Variants in AGAP1 observed in about 807,000 individuals in gnomAD.
AGAP1 encodes ArfGAP with GTPase domain, ankyrin repeat and PH domain 1.
In AGAP1, 29 loss-of-function variants were observed where a neutral mutation model predicts 105.3. The ratio of observed to expected loss-of-function variants is 0.28; its 90% CI spans 0.21 to 0.38. The LOEUF is 0.38. AGAP1 is among the 10% of genes least tolerant of loss of function. AGAP1 has a pLI of 1.00. For missense variants in AGAP1, 998 were observed against 1,165.1 expected, an observed-to-expected ratio of 0.86 and a Z score of 2.09; for synonymous variants, 509 against 485.9, an observed-to-expected ratio of 1.05 and a Z score of -0.63.
intron 2 of AGAP1, among the ~76,000 whole-genome samples, chr2:235,710,255 C>T (rs1392500653): frequency 5.3e-5 from 8 of 152,194 alleles, no homozygotes; most frequent in African/African-American, 1.9e-4. Flanking sequence ...TCCTTCCGGT[C>T]CTTCATGTCT....
chr2:235,950,149 A>G (rs4663635), intron 12 of AGAP1, among the ~76,000 whole-genome samples: 151,160 of 152,272 alleles, frequency 0.99, 75,032 homozygotes, highest in East Asian at 1. Flanking sequence ...GGGTGAGTGT[A>G]AAAGTCTAGC....
chr2:235,653,114 T>C (rs1947650991), intron 1 of AGAP1, among the ~76,000 whole-genome samples: 1 of 152,148 alleles, frequency 6.6e-6, no homozygotes, highest in African/African-American at 2.4e-5. Context: ...GCCCATTTGC[T>C]GCATTGTAAA....
intron 1 of AGAP1, among the ~76,000 whole-genome samples, chr2:235,613,026 G>GTTTTTTT (rs397935531): frequency 1.5e-5 from 2 of 135,094 alleles, no homozygotes; most frequent in African/African-American, 2.7e-5. Context: ...TTTCAGTTTT[G>GTTTTTTT]TTTTTTTTTT....
intron 10 of AGAP1, among the ~76,000 whole-genome samples, chr2:235,903,681 T>C (rs901092288): frequency 6.6e-6 from 1 of 152,126 alleles, no homozygotes; most frequent in South Asian, 2.1e-4. Flanking sequence ...CATAGTGGGA[T>C]CTGGGATTGC....
chr2:235,702,308 GTCCTGGC>G (rs1950294501), intron 1 of AGAP1, among the ~76,000 whole-genome samples: 1 of 152,182 alleles, frequency 6.6e-6, no homozygotes, highest in Non-Finnish European at 1.5e-5. Flanking sequence ...TGAAGATGAG[GTCCTGGC>G]TCCCTTGTCT....
chr2:235,576,466 G>T (rs1944736628), intron 1 of AGAP1, among the ~76,000 whole-genome samples: 1 of 152,216 alleles, frequency 6.6e-6, no homozygotes, highest in African/African-American at 2.4e-5. Flanking sequence ...CACCAGGCAG[G>T]TGGTGCTTGG....
chr2:235,511,303 G>C (rs563474058), intron 1 of AGAP1, among the ~76,000 whole-genome samples: 1 of 152,138 alleles, frequency 6.6e-6, no homozygotes, highest in Middle Eastern at 3.4e-3. Context: ...TAATTATCTA[G>C]AGGTGTGTCT....
chr2:235,742,856 C>T (rs1304434083), intron 4 of AGAP1, among the ~76,000 whole-genome samples: 2 of 152,116 alleles, frequency 1.3e-5, no homozygotes, highest in African/African-American at 2.4e-5. Context: ...AGCACAAAAG[C>T]TTAAATATAG....
In AGAP1 at chr2:236,105,041, G is replaced by A. The variant is rs76799608; in HGVS notation, c.2115-15151G>A. Among the ~76,000 whole-genome samples the A allele has an allele frequency of 0.015, 2,296 of 152,176 alleles. 18 individuals carry two copies. The highest frequency in any genetic ancestry group is 0.021 in the Non-Finnish European group (1,441 of 68,008). On this transcript the variant is annotated intron_variant, in intron 16 of 17. Transcript: ENST00000304032. The surrounding 1 kb of genome is among the most constrained non-coding windows in gnomAD (Gnocchi z 4.2). ...GCAGGTTAGCATCAGGAGAGACACTGTCCTGGCTGCTGGGTGGGAAGATAA... is the reference window on the plus strand; with the variant it reads ...GCAGGTTAGCATCAGGAGAGACACTATCCTGGCTGCTGGGTGGGAAGATAA...
intron 12 of AGAP1, among the ~76,000 whole-genome samples, chr2:235,954,239 CAAAAAA>C (rs34138034): frequency 7.8e-6 from 1 of 128,156 alleles, no homozygotes. Context: ...ACTCTGCCTC[CAAAAAA>C]AAAAAAAAAA....
intron 1 of AGAP1, among the ~76,000 whole-genome samples, chr2:235,613,831 G>A (rs571525156): frequency 1.4e-4 from 21 of 152,346 alleles, no homozygotes; most frequent in Non-Finnish European, 1.9e-4. Flanking sequence ...CCTGCAGTTC[G>A]AGGAGAGGCT....
intron 9 of AGAP1, among the ~76,000 whole-genome samples, chr2:235,817,961 C>T (rs1259573535): frequency 1.3e-5 from 2 of 152,208 alleles, no homozygotes; most frequent in Non-Finnish European, 2.9e-5. Flanking sequence ...TTACCTAATA[C>T]TATAGTTAAT....
chr2:235,758,897 G>A (rs1228860093), intron 6 of AGAP1, among the ~76,000 whole-genome samples: 1 of 152,126 alleles, frequency 6.6e-6, no homozygotes, highest in African/African-American at 2.4e-5. Flanking sequence ...GGCTCAAGCC[G>A]TCCTCCCGCC....
At chr2:235,759,690 C>T (rs1426199759) in intron 6 of AGAP1, among the ~76,000 whole-genome samples, 2 of 152,030 alleles carry the variant, frequency 1.3e-5, no homozygotes, top group East Asian at 3.9e-4. Flanking sequence ...TATGCCATAT[C>T]CCTGGTTTAT....
At chr2:235,617,526 ACT>A (rs1457944228) in intron 1 of AGAP1, among the ~76,000 whole-genome samples, 1 of 152,012 alleles carries the variant, frequency 6.6e-6, no homozygotes, top group African/African-American at 2.4e-5. Context: ...ACATGGTGAA[ACT>A]CTGTCTCTAC....
Position 236,000,770 on chromosome 2 carries a change from C to T in AGAP1, c.1645+32147C>T, listed in dbSNP as rs992519808. ...CTAGAGATTGTGTTTGCAGTGAGGG[C>T]CACTAAGGGGGGCGGAGAAGACCCC... On this transcript the variant is annotated intron_variant, in intron 13 of 17. Coordinates refer to ENST00000304032, the MANE Select transcript of AGAP1 (RefSeq NM_001037131.3). This position sits in a 1 kb window ranked among gnomAD's most constrained non-coding sequence, Gnocchi z 4.3. Among the ~76,000 whole-genome samples, 3 of 151,982 alleles carry T rather than the reference C, an allele frequency of 2.0e-5. No homozygotes were observed. The highest frequency in any genetic ancestry group is 4.4e-5 in the Non-Finnish European group (3 of 68,006).
rs187519882 is a variant in AGAP1, at chr2:236,083,556, G to A, written c.2114+34275G>A. ...ACTAAGACATTGTCACTGGAATTCC[G>A]TATAAATGTGTGCATGCTCACACCC... On this transcript the variant is annotated intron_variant, in intron 16 of 17. Coordinates refer to ENST00000304032, the MANE Select transcript of AGAP1 (RefSeq NM_001037131.3). The surrounding 1 kb of genome is among the most constrained non-coding windows in gnomAD (Gnocchi z 5.3). 6.6e-6 allele frequency among the ~76,000 whole-genome samples: 1 copy of A among 152,116 alleles called. No individual in the cohort carries two copies. Among genetic ancestry groups the A allele is most frequent in the East Asian group, 1.9e-4 (1 of 5,194 alleles).
At chr2:235,863,687 G>A (rs896803556) in intron 9 of AGAP1, among the ~76,000 whole-genome samples, 11 of 152,256 alleles carry the variant, frequency 7.2e-5, no homozygotes, top group Admixed American at 1.3e-4. Flanking sequence ...CTAACTACGG[G>A]TCGCTGGCCA....
At chr2:236,099,051 G>A (rs1011898899) in intron 16 of AGAP1, among the ~76,000 whole-genome samples, 5 of 152,072 alleles carry the variant, frequency 3.3e-5, no homozygotes, top group Admixed American at 3.3e-4. Flanking sequence ...CAGCGGGGGA[G>A]CCAGCAGGTA....
Sources: gnomAD v4.1 joint callset for allele counts (sites outside exome capture counted in the v4.1 genomes callset) on GRCh38, gnomAD v4.1.1 for gene constraint, Gnocchi (gnomAD v3.1) non-coding constraint, MANE v1.5 for transcripts, NCBI Gene and HGNC (gene_info 2026-07-23, HGNC 2026-07-21) for gene names.